SLC4A1AP: variants seen among roughly 807,000 people sequenced by gnomAD.
SLC4A1AP encodes solute carrier family 4 member 1 adaptor protein.
In SLC4A1AP, 64 loss-of-function variants were observed where a neutral mutation model predicts 89.7. The observed-to-expected ratio is 0.71, with a 90% CI of 0.58 to 0.88. The LOEUF (loss-of-function observed/expected upper bound fraction) is 0.88. Among genes scored for constraint, SLC4A1AP ranks in the 40% least tolerant of loss-of-function variants. The pLI is 0.00. For missense variants in SLC4A1AP, 931 were observed against 965.0 expected (o/e 0.96, Z 0.47); for synonymous variants, 366 against 353.3 (o/e 1.04, Z -0.40).
intron 6 of SLC4A1AP, 132 bp from the exon 7 acceptor site, chr2:27,677,163 C>T: frequency 1.4e-6 from 1 of 708,710 alleles, no homozygotes; most frequent in Non-Finnish European, 2.5e-6. Flanking sequence ...GTGTTAACTC[C>T]ATAAGTAGCA....
At position 27,687,860 on chromosome 2, in the gene SLC4A1AP, T is replaced by G. The variant is rs1675726710; in HGVS notation, c.2117-74T>G. Reference sequence around the variant, plus strand: ...ATGTACTTAGCTTCTCTTTCTCTTGTTTTTGTTTTTGTTTGTTTGGCTTTC... The same window carrying G: ...ATGTACTTAGCTTCTCTTTCTCTTGGTTTTGTTTTTGTTTGTTTGGCTTTC... On this transcript the variant is annotated intron_variant, in intron 10 of 13. Transcript: ENST00000613058. 6 of 1,122,322 alleles carry G rather than the reference T, an allele frequency of 5.3e-6. No homozygotes were observed. In the Admixed American group the frequency reaches 1.2e-4, roughly 22 times the overall value. The allele number at this position is 1,122,322 out of a possible 1,614,324, so 69.5% of individuals were successfully genotyped here. A position where few individuals can be genotyped will look rare whatever the true frequency, so the allele number is the denominator to read the frequency against.
At chr2:27,672,164 G>A (rs1199334611) in intron 5 of SLC4A1AP, among the ~76,000 whole-genome samples, 1 of 151,952 alleles carries the variant, frequency 6.6e-6, no homozygotes, top group African/African-American at 2.4e-5. Flanking sequence ...GGTACTTGTT[G>A]GATCCTTTTG....
chr2:27,683,778 C>T (rs76342624), intron 9 of SLC4A1AP, among the ~76,000 whole-genome samples: 2 of 152,198 alleles, frequency 1.3e-5, no homozygotes, highest in South Asian at 4.2e-4. Flanking sequence ...CACACTGTCA[C>T]CCAGGCTGCA....
intron 7 of SLC4A1AP, 117 bp downstream of exon 7, chr2:27,677,481 A>C: frequency 1.3e-6 from 1 of 746,068 alleles, no homozygotes; most frequent in South Asian, 1.7e-5. Flanking sequence ...TTAAAGGAGC[A>C]ACATACCGTT....
intron 2 of SLC4A1AP, 33 bp from the exon 3 acceptor site, chr2:27,667,235 G>T: frequency 6.3e-7 from 1 of 1,593,142 alleles, no homozygotes; most frequent in Non-Finnish European, 8.5e-7. Flanking sequence ...TCTCATGTCT[G>T]ATTATCTTTT....
At chr2:27,689,780 C>G (rs1359102293) in intron 12 of SLC4A1AP, among the ~76,000 whole-genome samples, 1 of 152,134 alleles carries the variant, frequency 6.6e-6, no homozygotes, top group African/African-American at 2.4e-5. Context: ...AGAAACCTTC[C>G]CAAAGTCTGG....
In SLC4A1AP at chr2:27,664,291, C is replaced by T. The variant is rs759067076; in HGVS notation, c.539C>T (p.Thr180Ile). The T allele has an allele frequency of 4.6e-5, 75 of 1,614,104 alleles. 1 individual carries two copies. In the East Asian group the frequency reaches 1.6e-3, roughly 35 times the overall value. The change falls in exon 1 of 14, where the codon ACC becomes ATC. Residue 180 changes from threonine (T) to isoleucine (I), a missense_variant. Transcript: ENST00000613058. The stretch of plus-strand genomic sequence containing the variant: ...CTGAAGGGCGGCACTATCCTTGGCA[C>T]CCGTAGCTTGAAAGGGACGAGTTAC...
chr2:27,664,211 C>A (rs368284380), exon 1 of SLC4A1AP: 1 of 1,614,128 alleles, frequency 6.2e-7, no homozygotes, highest in African/African-American at 1.3e-5. Flanking sequence ...GGGCTCCCCC[C>A]TACCAAGAGC....
rs777405191 is a variant in SLC4A1AP at position 27,677,928 on chromosome 2, A to C, written c.1763+4A>C. 6.4e-7 allele frequency: 1 copy of C among 1,565,906 alleles called. No individual in the cohort carries two copies. The highest frequency in any genetic ancestry group is 8.7e-7 in the Non-Finnish European group (1 of 1,153,450). On this transcript the variant is annotated splice_donor_region_variant and intron_variant, in intron 8 of 13. Transcript: ENST00000613058. The stretch of plus-strand genomic sequence containing the variant: ...CAGAGATTCCAGAACTAAAAAAGTA[A>C]GTCTTAGTTATATTTGGAATTCTAA...
chr2:27,686,654 G>C (rs546062355), intron 10 of SLC4A1AP, among the ~76,000 whole-genome samples: 2 of 152,158 alleles, frequency 1.3e-5, no homozygotes, highest in East Asian at 1.9e-4. Context: ...TGTAATCACA[G>C]GTACTCAGGA....
At chr2:27,665,380 C>G in intron 2 of SLC4A1AP, 85 bp downstream of exon 2, 2 of 1,155,352 alleles carry the variant, frequency 1.7e-6, no homozygotes, top group East Asian at 5.2e-5. Context: ...AATCATACAG[C>G]TTTTCATGGC....
rs200706190 is a variant in SLC4A1AP at position 27,664,073 on chromosome 2, G to A, written c.321G>A (p.Ala107=). The change falls in exon 1 of 14, where the codon GCG becomes GCA. Residue 107 remains alanine (A), a synonymous_variant. Transcript: ENST00000613058. ...AGGTACAGAAGGAAGGGCCCACTGC[G>A]TTGCAGGACTCCAATTCTGGGGAGC... The A allele has an allele frequency of 4.3e-6, 7 of 1,614,172 alleles. No individual in the cohort carries two copies. The East Asian group carries it at 1.6e-4, about 36-fold the overall frequency.
chr2:27,681,399 C>T (rs1377831269), intron 8 of SLC4A1AP, among the ~76,000 whole-genome samples: 1 of 152,122 alleles, frequency 6.6e-6, no homozygotes, highest in Non-Finnish European at 1.5e-5. Flanking sequence ...GGCCAGGTAG[C>T]TAACATCTGG....
In SLC4A1AP at chr2:27,683,957, C is replaced by T. The variant is rs868422561; in HGVS notation, c.1876-1080C>T. Among the ~76,000 whole-genome samples the T allele has an allele frequency of 1.8e-4, 28 of 152,028 alleles. No individual in the cohort carries two copies. In the Middle Eastern group the frequency reaches 0.024, roughly 129 times the overall value. ...TTTTTCACCATGGCCAGACTGGTCT[C>T]GAACTCCTGACCTCATGATTCACCT... On this transcript the variant is annotated intron_variant, in intron 9 of 13. Transcript: ENST00000613058.
chr2:27,663,928 T>C lies in SLC4A1AP; in HGVS notation c.176T>C (p.Leu59Pro). Residue 59 changes from leucine to proline, a missense_variant, in exon 1 of 14, where the codon CTC becomes CCC. Leu to Pro is a moderately conservative substitution (Grantham distance 98, BLOSUM62 -3). Transcript: ENST00000613058. The stretch of plus-strand genomic sequence containing the variant: ...CACCGGTTGAGGATGGCTGACATTC[T>C]CTCTCAGTCAGAGACCCTGGCGTCG... The C allele has an allele frequency of 6.2e-7, 1 of 1,614,124 alleles. No individual in the cohort carries two copies. The highest frequency in any genetic ancestry group is 8.5e-7 in the Non-Finnish European group (1 of 1,180,020).
chr2:27,686,029 G>T (rs1675700785), intron 10 of SLC4A1AP, among the ~76,000 whole-genome samples: 1 of 152,142 alleles, frequency 6.6e-6, no homozygotes, highest in African/African-American at 2.4e-5. Context: ...AACTGCAGGG[G>T]TTATTTTCCT....
At chr2:27,679,094 G>A (rs946927978) in intron 8 of SLC4A1AP, among the ~76,000 whole-genome samples, 1 of 152,118 alleles carries the variant, frequency 6.6e-6, no homozygotes, top group Non-Finnish European at 1.5e-5. Context: ...TGACAAAAAG[G>A]CACTTTCTTA....
rs888419959 is a variant in SLC4A1AP at position 27,667,148 on chromosome 2, C to T, written c.1022-120C>T. 238 of 1,064,878 alleles carry T rather than the reference C, an allele frequency of 2.2e-4. 1 individual carries two copies. The East Asian group carries it at 6.2e-3, about 28-fold the overall frequency. 66.0% of individuals were successfully genotyped at this position (1,064,878 alleles called of 1,614,324 possible). A position where few individuals can be genotyped will look rare whatever the true frequency, so the allele number is the denominator to read the frequency against. ...CCTCCCAAAGTGCTGGGATTACAGG[C>T]ATGAGCCACTGCGCCCAGCCTAAAC... On this transcript the variant is annotated intron_variant, in intron 2 of 13. Transcript: ENST00000613058.
At position 27,668,826 on chromosome 2, in the gene SLC4A1AP, C is replaced by T. The variant is rs201265567; in HGVS notation, c.1145-17C>T. 14 of 1,610,934 alleles carry T rather than the reference C, an allele frequency of 8.7e-6. No homozygotes were observed. The East Asian group carries it at 2.9e-4, about 33-fold the overall frequency. ...TTGGATTCTATTAAAATTGTTTTGT[C>T]TGTCTTTCTCCCACAGGAGAAGAAT... On this transcript the variant is annotated splice_polypyrimidine_tract_variant and intron_variant, in intron 3 of 13. Transcript: ENST00000613058.
Sources: allele counts gnomAD v4.1 joint callset (sites outside exome capture counted in the v4.1 genomes callset), GRCh38; gene constraint gnomAD v4.1.1; transcripts MANE v1.5; gene names NCBI Gene and HGNC (gene_info 2026-07-23, HGNC 2026-07-21).